SARDH: variants seen among roughly 807,000 people sequenced by gnomAD.
SARDH encodes sarcosine dehydrogenase, mitochondrial.
Under a neutral mutation model 109.1 loss-of-function variants are expected in SARDH, and 95 were observed. The ratio of observed to expected loss-of-function variants is 0.87; its 90% CI spans 0.74 to 1.03. The LOEUF (loss-of-function observed/expected upper bound fraction) is 1.03. Ranked by LOEUF, SARDH falls within the 50% of genes least tolerant of loss-of-function variation. SARDH has a pLI of 0.00. For missense variants in SARDH, 1,267 were observed against 1,287.8 expected, an observed-to-expected ratio of 0.98 and a Z score of 0.25; for synonymous variants, 572 against 534.8, an observed-to-expected ratio of 1.07 and a Z score of -0.96.
chr9:133,703,367 G>A lies in SARDH; in HGVS notation c.1555-338C>T, dbSNP rs112802082. The stretch of plus-strand genomic sequence containing the variant: ...GCCAGGGCTGCTCCCTGGAGCCACG[G>A]CAATCCCAGGCCCAGCTCCTGCTCT... On this transcript the variant is annotated intron_variant, in intron 12 of 20. Transcript: ENST00000439388. 3.5e-3 allele frequency: 1,197 copies of A among 346,664 alleles called. 15 individuals carry two copies. Among genetic ancestry groups the A allele is most frequent in the African/African-American group, 0.022 (1,094 of 48,816 alleles). The allele number at this position is 346,664 out of a possible 1,614,324, so 21.5% of individuals were successfully genotyped here. A position where few individuals can be genotyped will look rare whatever the true frequency, so the allele number is the denominator to read the frequency against.
chr9:133,700,863 C>T (rs1293454836), intron 13 of SARDH, among the ~76,000 whole-genome samples: 1 of 152,200 alleles, frequency 6.6e-6, no homozygotes, highest in Non-Finnish European at 1.5e-5. Flanking sequence ...CCCTTCAGGG[C>T]TCAACATGCC....
In SARDH at chr9:133,712,788, C is replaced by A; in HGVS notation, c.1238-79G>T. The A allele has an allele frequency of 7.5e-7, 1 of 1,338,642 alleles. No individual in the cohort carries two copies. The highest frequency in any genetic ancestry group is 2.3e-5 in the East Asian group (1 of 42,962). The allele number at this position is 1,338,642 out of a possible 1,614,324, so 82.9% of individuals were successfully genotyped here. ...ATGTCCAAACATGTGCCCCCATCTC[C>A]ACGGACAGCACAGACACTCCAAGCT... On this transcript the variant is annotated intron_variant, in intron 9 of 20. Transcript: ENST00000439388. The surrounding 1 kb of genome is among the most constrained non-coding windows in gnomAD (Gnocchi z 4.1).
At chr9:133,703,147 C>G in intron 12 of SARDH, 118 bp from the exon 13 acceptor site, 2 of 847,338 alleles carry the variant, frequency 2.4e-6, no homozygotes, top group Admixed American at 2.1e-5. Flanking sequence ...CCTCGGAGAG[C>G]CCTGCACTGA....
At chr9:133,731,164 G>T in intron 4 of SARDH, 141 bp downstream of exon 4, 1 of 1,056,958 alleles carries the variant, frequency 9.5e-7, no homozygotes, top group Non-Finnish European at 1.3e-6. Flanking sequence ...TGGACCAGAA[G>T]GCTCAGAGAG....
rs998117686 is a variant in SARDH, at chr9:133,686,971, C to T, written c.2070-1685G>A. On this transcript the variant is annotated intron_variant, in intron 16 of 20. Transcript: ENST00000439388. This position sits in a 1 kb window ranked among gnomAD's most constrained non-coding sequence, Gnocchi z 4.0. ...CTGGGGCAGAAGCCTGGAGCTGCCACCTGGTCCAAGGCTTTGAAGGGCTCT... is the reference window on the plus strand; with the variant it reads ...CTGGGGCAGAAGCCTGGAGCTGCCATCTGGTCCAAGGCTTTGAAGGGCTCT... Among the ~76,000 whole-genome samples, 1 of 152,186 alleles carries T rather than the reference C, an allele frequency of 6.6e-6. No individual in the cohort carries two copies. The highest frequency in any genetic ancestry group is 2.4e-5 in the African/African-American group (1 of 41,454).
Position 133,704,921 on chromosome 9 carries a change from C to A in SARDH, c.1554+27G>T, listed in dbSNP as rs749824028. The A allele has an allele frequency of 3.9e-6, 6 of 1,554,670 alleles. No individual in the cohort carries two copies. In the East Asian group the frequency reaches 1.4e-4, roughly 37 times the overall value. ...GGGTTGTCAGGGCAGGGCCTCCCAGCAGCACAGCCCAGCAGGCACTACTCA... is the reference window on the plus strand; with the variant it reads ...GGGTTGTCAGGGCAGGGCCTCCCAGAAGCACAGCCCAGCAGGCACTACTCA... On this transcript the variant is annotated intron_variant, in intron 12 of 20. Transcript: ENST00000439388. This position sits in a 1 kb window ranked among gnomAD's most constrained non-coding sequence, Gnocchi z 4.5.
chr9:133,699,634 T>G (rs2131405735), intron 13 of SARDH, among the ~76,000 whole-genome samples: 1 of 152,308 alleles, frequency 6.6e-6, no homozygotes, highest in South Asian at 2.1e-4. Context: ...CTCAACATCA[T>G]TAGTTGTTCC....
chr9:133,729,494 G>T (rs1832599740), intron 6 of SARDH, among the ~76,000 whole-genome samples: 1 of 152,194 alleles, frequency 6.6e-6, no homozygotes, highest in African/African-American at 2.4e-5. Context: ...CGCAGGACAG[G>T]CTGGACTGTG....
rs971713889 is a variant in SARDH at position 133,666,688 on chromosome 9, G to T, written c.2631+47C>A. 8 of 1,557,150 alleles carry T rather than the reference G, an allele frequency of 5.1e-6. No homozygotes were observed. In the African/African-American group the frequency reaches 1.1e-4, roughly 21 times the overall value. ...AGTGCAGGGAGCTGGTTTGGAGCTG[G>T]TGAGGGATCGGCATCTGCCTTAGCA... On this transcript the variant is annotated intron_variant, in intron 20 of 20. Transcript: ENST00000439388. The surrounding 1 kb of genome is among the most constrained non-coding windows in gnomAD (Gnocchi z 5.2).
intron 17 of SARDH, 105 bp from the exon 18 acceptor site, chr9:133,671,802 A>T: frequency 7.3e-7 from 1 of 1,375,630 alleles, no homozygotes; most frequent in Non-Finnish European, 9.8e-7. Flanking sequence ...CAGGATTATC[A>T]GCTGGCCCTG....
chr9:133,739,452 C>A (rs1263374707), upstream of SARDH, among the ~76,000 whole-genome samples: 4 of 152,230 alleles, frequency 2.6e-5, 1 homozygote, highest in Admixed American at 2.6e-4. Flanking sequence ...TAAGACCCAG[C>A]CCCTGCCCTC....
In SARDH at chr9:133,731,429, G is replaced by A. The variant is rs149810392; in HGVS notation, c.566C>T (p.Thr189Ile). ...SHVLSPAETK[T>I]LYPLMNVDDL... ...GTCCACATTCATCAGCGGGTACAGA[G>A]TCTTGGTCTCTGCCGGGCTCAGCAC... The change falls in exon 4 of 21, where the codon ACT becomes ATT. Residue 189 changes from threonine (T) to isoleucine (I), a missense_variant. Thr to Ile is a moderately conservative substitution (Grantham distance 89). Coordinates refer to ENST00000439388, the MANE Select transcript of SARDH (RefSeq NM_001134707.2). 5.7e-3 allele frequency: 9,160 copies of A among 1,614,170 alleles called. 33 individuals carry two copies. The highest frequency in any genetic ancestry group is 6.9e-3 in the Non-Finnish European group (8,201 of 1,180,020).
intron 6 of SARDH, among the ~76,000 whole-genome samples, chr9:133,720,411 A>T (rs942897150): frequency 9.2e-5 from 14 of 152,210 alleles, no homozygotes; most frequent in Admixed American, 4.6e-4. Context: ...CTGGGCAACA[A>T]GAGTGAAACT....
In SARDH at chr9:133,684,013, G is replaced by A. The variant is rs771503693; in HGVS notation, c.2163+1180C>T. On this transcript the variant is annotated intron_variant, in intron 17 of 20. Coordinates refer to ENST00000439388, the MANE Select transcript of SARDH (RefSeq NM_001134707.2). ...CATCCAGCCTCTCTGAGCTCCATCT[G>A]GGTAACATCCGTCATGCAGGGCGAC... 5.9e-5 allele frequency among the ~76,000 whole-genome samples: 9 copies of A among 152,170 alleles called. No homozygotes were observed. In the South Asian group the frequency reaches 1.2e-3, roughly 21 times the overall value.
chr9:133,695,792 G>A (rs1467604753), intron 14 of SARDH, among the ~76,000 whole-genome samples: 1 of 152,096 alleles, frequency 6.6e-6, no homozygotes, highest in Non-Finnish European at 1.5e-5. Context: ...TCCCAAATAT[G>A]GCTTGGGACA....
At chr9:133,724,623 A>G (rs1176054399) in intron 6 of SARDH, among the ~76,000 whole-genome samples, 1 of 152,252 alleles carries the variant, frequency 6.6e-6, no homozygotes, top group Non-Finnish European at 1.5e-5. Context: ...TTGAAATGTT[A>G]AATAGAGTTA....
chr9:133,727,535 C>A (rs999464095), intron 6 of SARDH, among the ~76,000 whole-genome samples: 2 of 152,234 alleles, frequency 1.3e-5, no homozygotes, highest in African/African-American at 4.8e-5. Flanking sequence ...TCAGGGCCAG[C>A]GGCCTGGCTC....
At position 133,703,039 on chromosome 9, in the gene SARDH, A is replaced by G. The variant is rs1588424130; in HGVS notation, c.1555-10T>C. 1 of 1,609,586 alleles carries G rather than the reference A, an allele frequency of 6.2e-7. No homozygotes were observed. Among genetic ancestry groups the G allele is most frequent in the Non-Finnish European group, 8.5e-7 (1 of 1,178,198 alleles). ...AGTCGTACTCGAGGACCTGGGAAGA[A>G]AAGACGTGGTCCTCAGCCTGCCTCT... is the stretch of plus-strand genomic sequence containing the variant. On this transcript the variant is annotated splice_polypyrimidine_tract_variant and intron_variant, in intron 12 of 20. Coordinates refer to ENST00000439388, the MANE Select transcript of SARDH (RefSeq NM_001134707.2).
intron 20 of SARDH, among the ~76,000 whole-genome samples, chr9:133,665,875 G>T (rs941799392): frequency 6.6e-6 from 1 of 152,238 alleles, no homozygotes; most frequent in Non-Finnish European, 1.5e-5. Context: ...AGGCTCTGGA[G>T]CCAGGCCAGC....
Sources: gnomAD v4.1 joint callset for allele counts (sites outside exome capture counted in the v4.1 genomes callset) on GRCh38, gnomAD v4.1.1 for gene constraint, Gnocchi (gnomAD v3.1) non-coding constraint, MANE v1.5 for transcripts, NCBI Gene and HGNC (gene_info 2026-07-23, HGNC 2026-07-21) for gene names.